Variants in POLA1 observed in about 807,000 individuals in gnomAD.
The protein encoded by POLA1 is DNA polymerase alpha 1, catalytic subunit.
Under a neutral mutation model 124.0 loss-of-function variants are expected in POLA1, and 15 were observed. That is an observed-to-expected ratio of 0.12 (90% CI 0.08 to 0.19). POLA1 has a LOEUF of 0.19. POLA1 is among the 10% of genes least tolerant of loss of function. The pLI is 1.00. For missense variants in POLA1, 886 were observed against 1,103.4 expected, an observed-to-expected ratio of 0.80 and a Z score of 2.79; for synonymous variants, 408 against 389.4, an observed-to-expected ratio of 1.05 and a Z score of -0.56.
intron 20 of POLA1, 139 bp downstream of exon 20, chrX:24,739,689 G>A (rs746392744): frequency 2.2e-5 from 9 of 404,703 alleles, no homozygotes; most frequent in Non-Finnish European, 3.8e-5. Flanking sequence ...TTCATAATTT[G>A]AACTAGTTTA....
At chrX:24,737,984 C>T (rs1016926150) in intron 19 of POLA1, among the ~76,000 whole-genome samples, 5 of 98,441 alleles carry the variant, frequency 5.1e-5, no homozygotes, top group African/African-American at 2.0e-4. Context: ...GAGGCCGAGG[C>T]GGGTGGATCA....
intron 34 of POLA1, among the ~76,000 whole-genome samples, chrX:24,876,325 G>A (rs1359258568): frequency 8.9e-6 from 1 of 111,874 alleles, no homozygotes. Context: ...CTCATCTTAT[G>A]TTCTGGCATT....
chrX:24,715,031 G>A (rs1205651066), intron 5 of POLA1, 110 bp from the exon 6 acceptor site: 11 of 530,490 alleles, frequency 2.1e-5, no homozygotes, highest in South Asian at 3.0e-5. Context: ...GAGGAATGAA[G>A]AGGCAAGGAC....
intron 36 of POLA1, among the ~76,000 whole-genome samples, chrX:24,952,064 G>C (rs11573491): frequency 4.1e-4 from 46 of 111,720 alleles, no homozygotes; most frequent in Admixed American, 3.7e-3. Flanking sequence ...GAGTGCTTTG[G>C]TAAATGTGTT....
chrX:24,950,302 C>G (rs1478664754), intron 36 of POLA1, among the ~76,000 whole-genome samples: 2 of 111,932 alleles, frequency 1.8e-5, no homozygotes, highest in African/African-American at 3.3e-5. Flanking sequence ...GCTGTAGCCT[C>G]TAGCCCCACA....
intron 32 of POLA1, 78 bp from the exon 33 acceptor site, chrX:24,841,574 A>AT: frequency 1.8e-6 from 1 of 560,562 alleles, no homozygotes; most frequent in East Asian, 3.8e-5. Context: ...ATTTAAAATA[A>AT]TTTTTTGTGG....
intron 21 of POLA1, 48 bp downstream of exon 21, chrX:24,741,552 G>T (rs1931660429): frequency 9.1e-7 from 1 of 1,094,695 alleles, no homozygotes; most frequent in East Asian, 3.0e-5. Flanking sequence ...GTTGGATTCA[G>T]TGTTTGCTTG....
chrX:24,745,317 A>T (rs569881753), intron 23 of POLA1, 101 bp from the exon 24 acceptor site: 462 of 511,579 alleles, frequency 9.0e-4, no homozygotes, highest in Middle Eastern at 3.0e-3. Context: ...GTGTATATGG[A>T]TAGTATATAG....
chrX:24,750,319 T>C (rs1021160319), intron 26 of POLA1, among the ~76,000 whole-genome samples: 3 of 112,986 alleles, frequency 2.7e-5, no homozygotes, highest in Non-Finnish European at 5.6e-5. Context: ...CCATCTGCAC[T>C]ATCCAGTGCT....
intron 26 of POLA1, among the ~76,000 whole-genome samples, chrX:24,759,675 G>C (rs1287928752): frequency 1.8e-5 from 2 of 112,164 alleles, no homozygotes; most frequent in Non-Finnish European, 3.8e-5. Context: ...TTGTAATTTT[G>C]CCTTTTTAAT....
At chrX:24,701,261 A>G (rs189649982) in intron 2 of POLA1, among the ~76,000 whole-genome samples, 105 of 110,764 alleles carry the variant, frequency 9.5e-4, no homozygotes, top group African/African-American at 3.3e-3. Flanking sequence ...AGAGTAGGCT[A>G]AAAAGGAGGT....
chrX:24,961,728 G>C (rs1374098679), intron 36 of POLA1, among the ~76,000 whole-genome samples: 2 of 111,362 alleles, frequency 1.8e-5, no homozygotes, highest in Non-Finnish European at 3.8e-5. Flanking sequence ...GCCCAATAAA[G>C]CCTAACTTAG....
intron 35 of POLA1, among the ~76,000 whole-genome samples, chrX:24,905,515 G>A (rs1270458807): frequency 1.9e-5 from 2 of 106,604 alleles, no homozygotes; most frequent in Non-Finnish European, 3.9e-5. Context: ...AGACTTTAAG[G>A]CAGTTATTAT....
At chrX:24,965,598 C>T (rs1382301632) in intron 36 of POLA1, among the ~76,000 whole-genome samples, 1 of 112,034 alleles carries the variant, frequency 8.9e-6, no homozygotes, top group East Asian at 2.8e-4. Context: ...ACCTCAGCAC[C>T]ATTACTCCCT....
chrX:24,703,921 G>C (rs1418894743), intron 3 of POLA1, among the ~76,000 whole-genome samples: 2 of 111,947 alleles, frequency 1.8e-5, no homozygotes, highest in Non-Finnish European at 3.8e-5. Flanking sequence ...TGTAGGGTCT[G>C]ACTTCATGGC....
chrX:24,694,173 C>T (rs1432812162), intron 1 of POLA1, among the ~76,000 whole-genome samples, 169 bp downstream of exon 1: 1 of 112,873 alleles, frequency 8.9e-6, no homozygotes, highest in Non-Finnish European at 1.9e-5. Flanking sequence ...GCGCGGTTTG[C>T]TCTTGGAGGA....
intron 26 of POLA1, among the ~76,000 whole-genome samples, chrX:24,772,683 G>T (rs1056285045): frequency 9.0e-6 from 1 of 111,083 alleles, no homozygotes; most frequent in Non-Finnish European, 1.9e-5. Context: ...AGGGATAATG[G>T]CCTCCAGCTC....
At chrX:24,802,946 C>T (rs1033246616) in intron 26 of POLA1, among the ~76,000 whole-genome samples, 6 of 111,111 alleles carry the variant, frequency 5.4e-5, no homozygotes, top group Non-Finnish European at 1.1e-4. Context: ...TGCAGTGAGC[C>T]GAGATCGTGC....
chrX:24,745,043 C>G (rs769973153), intron 23 of POLA1, among the ~76,000 whole-genome samples: 145 of 104,922 alleles, frequency 1.4e-3, no homozygotes, highest in Non-Finnish European at 1.5e-3. Context: ...TCAAAGAATT[C>G]TTGCTTTGAA....
Sources: allele counts gnomAD v4.1 joint callset (sites outside exome capture counted in the v4.1 genomes callset), GRCh38; gene constraint gnomAD v4.1.1; transcripts MANE v1.5; gene names NCBI Gene and HGNC (gene_info 2026-07-23, HGNC 2026-07-21).